The following SNRNP200 variants were observed in gnomAD, a reference collection of about 807,000 sequenced individuals.
The protein encoded by SNRNP200 is U5 small nuclear ribonucleoprotein 200 kDa helicase.
A neutral mutation model predicts 255.2 loss-of-function variants in SNRNP200; 66 were observed. The ratio of observed to expected loss-of-function variants is 0.26; its 90% CI spans 0.21 to 0.32. The LOEUF (loss-of-function observed/expected upper bound fraction) is 0.32, where lower values mean the gene tolerates loss of function less well. SNRNP200 is among the 10% of genes least tolerant of loss of function. The pLI is 1.00. For synonymous variants in SNRNP200, 939 were observed against 1,027.8 expected (o/e 0.91, Z 1.65); for missense variants, 1,585 against 2,749.8 (o/e 0.58, Z 9.47).
At position 96,276,928 on chromosome 2, in the gene SNRNP200, A is replaced by T. The variant is rs1271146548; in HGVS notation, c.6150T>A (p.Pro2050=). The T allele has an allele frequency of 6.2e-7, 1 of 1,614,050 alleles. No individual in the cohort carries two copies. The highest frequency in any genetic ancestry group is 1.7e-5 in the Admixed American group (1 of 60,028). The part of the protein sequence containing the change: ...QLEREEEVTG[P]VIAPLFPQKR... ...CCTGCGGGAAGAGAGGCGCAATGAC[A>T]GGGCCTGTGACTTCCTCCTCTCGCT... Residue 2050 remains proline (P), a synonymous_variant, in exon 43 of 45, where the codon CCT becomes CCA. Transcript: ENST00000323853.
intron 29 of SNRNP200, 90 bp from the exon 30 acceptor site, chr2:96,285,430 C>T: frequency 6.8e-7 from 1 of 1,462,558 alleles, no homozygotes; most frequent in Non-Finnish European, 9.5e-7. Flanking sequence ...CAAAGGACAA[C>T]ATACGAAATG....
rs1459256150 is a variant in SNRNP200, at chr2:96,283,543, T to C, written c.4755A>G (p.Gln1585=). Residue 1585 remains glutamine, a synonymous_variant, in exon 33 of 45, where the codon CAA becomes CAG. Transcript: ENST00000323853. This position sits in a 1 kb window ranked among gnomAD's most constrained non-coding sequence, Gnocchi z 4.7. ...CGCCAGGCCCCACCTACCTCTGCCG[T>C]TGGATGTCTGCTGCACAGGTGGTGA... is the stretch of plus-strand genomic sequence containing the variant. ...DILTTCAADI[Q]RQRFLHCTEK... is the part of the protein sequence containing the mutation. The C allele has an allele frequency of 6.2e-7, 1 of 1,613,968 alleles. No individual in the cohort carries two copies. The highest frequency in any genetic ancestry group is 2.2e-5 in the East Asian group (1 of 44,878).
Position 96,278,298 on chromosome 2 carries a change from G to C in SNRNP200, c.5549C>G (p.Ser1850Cys). Reference sequence around the variant, plus strand: ...AATGTTCTCATACTCTGCTGCATTGGAGATGATCTCGATAAGCCCTCGCAC... The same window carrying C: ...AATGTTCTCATACTCTGCTGCATTGCAGATGATCTCGATAAGCCCTCGCAC... ...TKVRGLIEII[S>C]NAAEYENIPI... is the part of the protein sequence containing the mutation. The change falls in exon 39 of 45, where the codon TCC (serine) becomes TGC (cysteine). Residue 1850 changes from serine (S) to cysteine (C), a missense_variant. This residue lies in a region of SNRNP200 where 279 missense variants were observed against 551.2 expected (regional missense o/e 0.51). Transcript: ENST00000323853. The surrounding 1 kb of genome is among the most constrained non-coding windows in gnomAD (Gnocchi z 6.9). 6.2e-7 allele frequency: 1 copy of C among 1,614,154 alleles called. No homozygotes were observed. The highest frequency in any genetic ancestry group is 8.5e-7 in the Non-Finnish European group (1 of 1,180,032).
chr2:96,301,817 C>CA, intron 3 of SNRNP200, 101 bp from the exon 4 acceptor site: 1 of 1,157,436 alleles, frequency 8.6e-7, no homozygotes, highest in Non-Finnish European at 1.3e-6. Flanking sequence ...CACACCTCTT[C>CA]AAAACCTGCC....
At chr2:96,282,838 C>T in intron 34 of SNRNP200, 2 of 354,150 alleles carry the variant, frequency 5.6e-6, no homozygotes, top group South Asian at 4.9e-5. Flanking sequence ...TTATAAATGA[C>T]CCAGTATCAG....
chr2:96,275,701 G>A (rs1684643376), intron 43 of SNRNP200, among the ~76,000 whole-genome samples: 1 of 152,172 alleles, frequency 6.6e-6, no homozygotes, highest in Non-Finnish European at 1.5e-5. Flanking sequence ...AGGCAAATCT[G>A]CCAGATGAGA....
In SNRNP200 at chr2:96,278,443, G is replaced by C; in HGVS notation, c.5489-85C>G. ...CCGGGCTCCCCTGCTGTCCCCTGCAGTGTCATCCCGCTGACAAACACGGGC... is the reference window on the plus strand; with the variant it reads ...CCGGGCTCCCCTGCTGTCCCCTGCACTGTCATCCCGCTGACAAACACGGGC... On this transcript the variant is annotated intron_variant, in intron 38 of 44. Coordinates refer to ENST00000323853, the MANE Select transcript of SNRNP200 (RefSeq NM_014014.5). This position sits in a 1 kb window ranked among gnomAD's most constrained non-coding sequence, Gnocchi z 6.9. The C allele has an allele frequency of 6.2e-7, 1 of 1,611,086 alleles. No individual in the cohort carries two copies. The highest frequency in any genetic ancestry group is 8.5e-7 in the Non-Finnish European group (1 of 1,179,086).
rs941869590 is a variant in SNRNP200, at chr2:96,283,542, G to A, written c.4756C>T (p.Arg1586Trp). 1.2e-6 allele frequency: 2 copies of A among 1,614,102 alleles called. No homozygotes were observed. The highest frequency in any genetic ancestry group is 1.7e-6 in the Non-Finnish European group (2 of 1,180,022). The change falls in exon 33 of 45, where the codon CGG (arginine) becomes TGG (tryptophan). Residue 1586 changes from arginine (R) to tryptophan (W), a missense_variant. This residue lies in a region of SNRNP200 where 719 missense variants were observed against 1,091.1 expected (regional missense o/e 0.66). Coordinates refer to ENST00000323853, the MANE Select transcript of SNRNP200 (RefSeq NM_014014.5). This position sits in a 1 kb window ranked among gnomAD's most constrained non-coding sequence, Gnocchi z 4.7. ...ACGCCAGGCCCCACCTACCTCTGCC[G>A]TTGGATGTCTGCTGCACAGGTGGTG... The part of the protein sequence containing the change: ...ILTTCAADIQ[R>W]QRFLHCTEKD...
rs1234056256 is a variant in SNRNP200, at chr2:96,298,941, A to G, written c.756T>C (p.Ser252=). Residue 252 remains serine (S), a synonymous_variant, in exon 7 of 45, where the codon AGT becomes AGC. Transcript: ENST00000323853. ...ANLVASGELM[S]SKKKDLHPRD... ...GAGGGTGCAAATCCTTCTTCTTGGA[A>G]CTCATCAGTTCACCTGAGGCTACGA... 1.2e-6 allele frequency: 2 copies of G among 1,613,906 alleles called. No individual in the cohort carries two copies. Among genetic ancestry groups the G allele is most frequent in the Admixed American group, 3.3e-5 (2 of 59,982 alleles).
chr2:96,274,997 T>C lies in SNRNP200; in HGVS notation c.*15A>G. On this transcript the variant is annotated 3_prime_UTR_variant, in exon 45 of 45. Coordinates refer to ENST00000323853, the MANE Select transcript of SNRNP200 (RefSeq NM_014014.5). ...GGCTCAACTCTCCTTTACCCAAAAG[T>C]AAATGCCTCAGGACTCAATCTGAAT... The C allele has an allele frequency of 1.9e-6, 3 of 1,613,508 alleles. No individual in the cohort carries two copies. Among genetic ancestry groups the C allele is most frequent in the Non-Finnish European group, 2.5e-6 (3 of 1,179,978 alleles).
rs1392430529 is a variant in SNRNP200, at chr2:96,287,223, C to T, written c.3485-63G>A. 1.3e-6 allele frequency: 2 copies of T among 1,590,508 alleles called. No individual in the cohort carries two copies. Among genetic ancestry groups the T allele is most frequent in the African/African-American group, 1.3e-5 (1 of 74,458 alleles). ...CTGCCTACTATACTGCAAACTGGGC[C>T]TGAGGGCCACTGTGGGAAAGGGGTA... On this transcript the variant is annotated intron_variant, in intron 26 of 44. Transcript: ENST00000323853. This position sits in a 1 kb window ranked among gnomAD's most constrained non-coding sequence, Gnocchi z 5.7.
chr2:96,284,894 C>T (rs111969071), intron 30 of SNRNP200: 3 of 528,014 alleles, frequency 5.7e-6, no homozygotes, highest in East Asian at 3.6e-5. Context: ...GGATTACAGG[C>T]GCACACCACC....
intron 1 of SNRNP200, among the ~76,000 whole-genome samples, 157 bp from the exon 2 acceptor site, chr2:96,305,025 C>G (rs1462746276): frequency 6.6e-6 from 1 of 152,152 alleles, no homozygotes; most frequent in Non-Finnish European, 1.5e-5. Flanking sequence ...CATAGTATAA[C>G]GCTGTGCAGA....
Position 96,291,328 on chromosome 2 carries a change from T to C in SNRNP200, c.2421+64A>G, listed in dbSNP as rs2063882898. The C allele has an allele frequency of 2.3e-5, 22 of 948,512 alleles. No individual in the cohort carries two copies. The highest frequency in any genetic ancestry group is 2.1e-4 in the South Asian group (16 of 77,970). 58.8% of individuals were successfully genotyped at this position (948,512 alleles called of 1,614,324 possible). A position where few individuals can be genotyped will look rare whatever the true frequency, so the allele number is the denominator to read the frequency against. Reference sequence around the variant, plus strand: ...TACCAGGAGCAAACATGGCACAAACTTGACATTGCCCATCTTCTGAAGTAT... The same window carrying C: ...TACCAGGAGCAAACATGGCACAAACCTGACATTGCCCATCTTCTGAAGTAT... On this transcript the variant is annotated intron_variant, in intron 18 of 44. Transcript: ENST00000323853. The surrounding 1 kb of genome is among the most constrained non-coding windows in gnomAD (Gnocchi z 4.2).
At chr2:96,275,177 C>G (rs1344741054) in intron 44 of SNRNP200, 22 bp from the exon 45 acceptor site, 1 of 1,614,096 alleles carries the variant, frequency 6.2e-7, no homozygotes, top group African/African-American at 1.3e-5. Flanking sequence ...AGGCAGAAAT[C>G]AAGATGAGCA....
intron 6 of SNRNP200, 118 bp downstream of exon 6, chr2:96,299,211 T>C: frequency 1.1e-5 from 11 of 1,030,066 alleles, no homozygotes; most frequent in Non-Finnish European, 1.5e-5. Context: ...TAAGTGTTTA[T>C]TATAGTTCAC....
Position 96,303,249 on chromosome 2 carries a change from C to G in SNRNP200, c.291G>C (p.Met97Ile). ...YTLLSEGIDE[M>I]VGIIYKPKTK... Reference sequence around the variant, plus strand: ...TTTTGGGCTTGTAGATGATGCCCACCATCTCATCAATGCCCTCCGACAGCA... The same window carrying G: ...TTTTGGGCTTGTAGATGATGCCCACGATCTCATCAATGCCCTCCGACAGCA... Residue 97 changes from methionine to isoleucine, a missense_variant, in exon 3 of 45, where the codon ATG (methionine) becomes ATC (isoleucine). By Grantham distance (10) the Met-to-Ile change is conservative. Coordinates refer to ENST00000323853, the MANE Select transcript of SNRNP200 (RefSeq NM_014014.5). 2 of 1,614,176 alleles carry G rather than the reference C, an allele frequency of 1.2e-6. No individual in the cohort carries two copies. Among genetic ancestry groups the G allele is most frequent in the Non-Finnish European group, 1.7e-6 (2 of 1,180,004 alleles).
chr2:96,290,699 T>C lies in SNRNP200; in HGVS notation c.2538A>G (p.Ala846=). The C allele has an allele frequency of 6.2e-7, 1 of 1,614,244 alleles. No individual in the cohort carries two copies. The highest frequency in any genetic ancestry group is 8.5e-7 in the Non-Finnish European group (1 of 1,180,048). The change falls in exon 19 of 45, where the codon GCA becomes GCG. Residue 846 remains alanine, a synonymous_variant. Transcript: ENST00000323853. This position sits in a 1 kb window ranked among gnomAD's most constrained non-coding sequence, Gnocchi z 4.5. The part of the protein sequence containing the change: ...PEKGRWTELG[A]LDILQMLGRA... Reference sequence around the variant, plus strand: ...GGCTCTGTACCTGCAGAATGTCCAGTGCTCCCAGTTCTGTCCAACGCCCCT... The same window carrying C: ...GGCTCTGTACCTGCAGAATGTCCAGCGCTCCCAGTTCTGTCCAACGCCCCT...
chr2:96,305,316 A>G (rs2063980755), intron 1 of SNRNP200, 77 bp downstream of exon 1: 2 of 1,580,748 alleles, frequency 1.3e-6, no homozygotes, highest in Non-Finnish European at 1.7e-6. Context: ...AGGCCTTCAG[A>G]CTGAAACTCC....
Sources: gnomAD v4.1 joint callset for allele counts (sites outside exome capture counted in the v4.1 genomes callset) on GRCh38, gnomAD v4.1.1 for gene constraint, gnomAD v4.1.1 regional missense constraint, Gnocchi (gnomAD v3.1) non-coding constraint, MANE v1.5 for transcripts, NCBI Gene and HGNC (gene_info 2026-07-23, HGNC 2026-07-21) for gene names.